Variants in EHBP1 observed in about 807,000 individuals in gnomAD.
The protein encoded by EHBP1 is EH domain binding protein 1, also known as EH domain-binding protein 1.
Under a neutral mutation model 144.0 loss-of-function variants are expected in EHBP1, and 55 were observed. The observed-to-expected ratio is 0.38, with a 90% CI of 0.31 to 0.48. EHBP1 has a LOEUF of 0.48. Ranked by LOEUF, EHBP1 falls within the 20% of genes least tolerant of loss-of-function variation. EHBP1 has a pLI of 0.98. For missense variants in EHBP1, 1,200 were observed against 1,364.2 expected (o/e 0.88, Z 1.90); for synonymous variants, 469 against 472.7 (o/e 0.99, Z 0.10).
intron 15 of EHBP1, 60 bp from the exon 16 acceptor site, chr2:62,990,656 A>G: frequency 6.5e-7 from 1 of 1,546,474 alleles, no homozygotes; most frequent in Non-Finnish European, 8.8e-7. Flanking sequence ...CATAAAATTG[A>G]CAGCCTACAT....
intron 7 of EHBP1, among the ~76,000 whole-genome samples, chr2:62,842,599 C>A (rs1208240838): frequency 6.6e-6 from 1 of 152,098 alleles, no homozygotes; most frequent in African/African-American, 2.4e-5. Context: ...CTTTGATGCC[C>A]CCTGCCTCTT....
chr2:62,936,410 A>G (rs145832445), intron 10 of EHBP1, among the ~76,000 whole-genome samples: 244 of 152,226 alleles, frequency 1.6e-3, no homozygotes, highest in Middle Eastern at 0.01. Flanking sequence ...CAAAGAAGCA[A>G]TTTTGGCTTT....
chr2:62,875,831 A>T (rs529373622), intron 10 of EHBP1, among the ~76,000 whole-genome samples: 2 of 152,244 alleles, frequency 1.3e-5, no homozygotes, highest in Non-Finnish European at 2.9e-5. Context: ...GAAGGATTTC[A>T]TAATACAATG....
intron 5 of EHBP1, among the ~76,000 whole-genome samples, chr2:62,797,940 T>C (rs910650018): frequency 6.6e-6 from 1 of 152,252 alleles, no homozygotes; most frequent in East Asian, 1.9e-4. Context: ...ATGATAAAAA[T>C]GGCCATTAAC....
intron 10 of EHBP1, among the ~76,000 whole-genome samples, chr2:62,942,105 A>C (rs1260417901): frequency 6.6e-6 from 1 of 152,150 alleles, no homozygotes; most frequent in Non-Finnish European, 1.5e-5. Context: ...GCATATCCAA[A>C]ATACATACTG....
chr2:62,701,029 G>T (rs915589018), upstream of EHBP1, among the ~76,000 whole-genome samples: 4 of 152,130 alleles, frequency 2.6e-5, no homozygotes, highest in Admixed American at 2.6e-4. Flanking sequence ...AATAGGGTGG[G>T]ATTAGGTCCT....
Position 62,864,727 on chromosome 2 carries a change from A to G in EHBP1, c.758-4A>G. Reference sequence around the variant, plus strand: ...GATTTAATTCATCTGCTATTATTTTATAGAACCTATCACTGAAACAGCTTC... The same window carrying G: ...GATTTAATTCATCTGCTATTATTTTGTAGAACCTATCACTGAAACAGCTTC... On this transcript the variant is annotated splice_region_variant and splice_polypyrimidine_tract_variant and intron_variant, in intron 8 of 22. Transcript: ENST00000431489. 6.2e-7 allele frequency: 1 copy of G among 1,603,078 alleles called. No homozygotes were observed.
At chr2:62,684,436 GAA>G (rs1202889191) in intron 1 of EHBP1, among the ~76,000 whole-genome samples, 3 of 152,092 alleles carry the variant, frequency 2.0e-5, no homozygotes, top group African/African-American at 7.2e-5. Context: ...TCAGCAAGTT[GAA>G]AAGTCGGTTC....
intron 14 of EHBP1, among the ~76,000 whole-genome samples, chr2:62,958,117 G>A (rs1036606068): frequency 6.6e-6 from 1 of 152,140 alleles, no homozygotes; most frequent in Non-Finnish European, 1.5e-5. Context: ...CATTTTGCCA[G>A]TAGGAATGTA....
chr2:62,730,759 G>GA (rs1237134276), intron 2 of EHBP1, among the ~76,000 whole-genome samples: 1 of 108,996 alleles, frequency 9.2e-6, no homozygotes, highest in Non-Finnish European at 1.9e-5. Context: ...GAGAAAGAAA[G>GA]AGAGAGACAG....
At chr2:62,821,846 A>T (rs2152571111) in intron 5 of EHBP1, among the ~76,000 whole-genome samples, 1 of 152,160 alleles carries the variant, frequency 6.6e-6, no homozygotes, top group African/African-American at 2.4e-5. Context: ...TTTATTTTTT[A>T]TTTTTGTGGA....
chr2:62,929,964 C>T (rs999559617), intron 10 of EHBP1, among the ~76,000 whole-genome samples: 7 of 152,168 alleles, frequency 4.6e-5, no homozygotes, highest in Admixed American at 4.6e-4. Context: ...ACAATAGCAT[C>T]AGCCAGACAC....
At chr2:62,762,322 G>A (rs938542711) in intron 3 of EHBP1, among the ~76,000 whole-genome samples, 17 of 152,010 alleles carry the variant, frequency 1.1e-4, no homozygotes, top group African/African-American at 4.1e-4. Context: ...TTAGTCTTTG[G>A]AGCTTTATAT....
chr2:62,803,450 TACC>T (rs768876642), intron 5 of EHBP1, among the ~76,000 whole-genome samples: 4 of 152,242 alleles, frequency 2.6e-5, no homozygotes, highest in Non-Finnish European at 4.4e-5. Context: ...TGCTAGCTAT[TACC>T]ACATTTCTTA....
Position 62,917,686 on chromosome 2 carries a change from A to T in EHBP1, c.1186-25032A>T, listed in dbSNP as rs1013368008. Among the ~76,000 whole-genome samples, 9 of 152,210 alleles carry T rather than the reference A, an allele frequency of 5.9e-5. No homozygotes were observed. The South Asian group carries it at 1.7e-3, about 28-fold the overall frequency. ...GAACTGAATTGATTTTCACTTGTTT[A>T]TAACAAAATCAGCCATAGGAAGAAA... On this transcript the variant is annotated intron_variant, in intron 10 of 22. Coordinates refer to ENST00000431489, the MANE Select transcript of EHBP1 (RefSeq NM_001142616.3).
chr2:62,729,315 ATAT>A (rs1159761917), intron 2 of EHBP1, among the ~76,000 whole-genome samples: 1 of 130,138 alleles, frequency 7.7e-6, no homozygotes, highest in Non-Finnish European at 1.6e-5. Flanking sequence ...ATATAATATA[ATAT>A]TTATAATATA....
At position 62,859,266 on chromosome 2, in the gene EHBP1, T is replaced by C; in HGVS notation, c.732T>C (p.Asn244=). The C allele has an allele frequency of 1.2e-6, 2 of 1,608,540 alleles. No individual in the cohort carries two copies. Among genetic ancestry groups the C allele is most frequent in the Non-Finnish European group, 1.7e-6 (2 of 1,176,188 alleles). ...ATGATCCTGATGCTGCAGAATTAAATCCATTTGGAGATCCTGACTCAGAAG... is the reference window on the plus strand; with the variant it reads ...ATGATCCTGATGCTGCAGAATTAAACCCATTTGGAGATCCTGACTCAGAAG... ...PFDDPDAAEL[N]PFGDPDSEEP... Residue 244 remains asparagine, a synonymous_variant, in exon 8 of 23, where the codon AAT becomes AAC. Coordinates refer to ENST00000431489, the MANE Select transcript of EHBP1 (RefSeq NM_001142616.3).
At chr2:62,843,988 C>G (rs1425042589) in intron 7 of EHBP1, among the ~76,000 whole-genome samples, 1 of 152,196 alleles carries the variant, frequency 6.6e-6, no homozygotes, top group East Asian at 1.9e-4. Flanking sequence ...TTAATTATAT[C>G]TTAATATTAT....
At chr2:62,813,132 T>A (rs1273280506) in intron 5 of EHBP1, among the ~76,000 whole-genome samples, 1 of 152,180 alleles carries the variant, frequency 6.6e-6, no homozygotes. Context: ...CTTAACAGGC[T>A]TACTGCCCAG....
Sources: gnomAD v4.1 joint callset for allele counts (sites outside exome capture counted in the v4.1 genomes callset) on GRCh38, gnomAD v4.1.1 for gene constraint, MANE v1.5 for transcripts, NCBI Gene and HGNC (gene_info 2026-07-23, HGNC 2026-07-21) for gene names.